PTPN11: variants seen among roughly 807,000 people sequenced by gnomAD.
PTPN11 encodes protein tyrosine phosphatase non-receptor type 11.
In PTPN11, 6 loss-of-function variants were observed where a neutral mutation model predicts 78.8. The observed-to-expected ratio is 0.08, with a 90% CI of 0.04 to 0.15. The LOEUF is 0.15. PTPN11 is among the 10% of genes least tolerant of loss of function. The probability of loss-of-function intolerance (pLI) is 1.00; values close to 1 mark genes in which losing one functional copy is unlikely to be tolerated. For synonymous variants in PTPN11, 221 were observed against 263.5 expected (o/e 0.84, Z 1.56); for missense variants, 386 against 744.8 (o/e 0.52, Z 5.61).
chr12:112,491,960 GCC>G (rs1208626095), intron 13 of PTPN11, among the ~76,000 whole-genome samples: 1 of 152,218 alleles, frequency 6.6e-6, no homozygotes, highest in Non-Finnish European at 1.5e-5. Flanking sequence ...TCCCGCCTTG[GCC>G]TCCCAAAGTG....
At position 112,508,623 on chromosome 12, in the gene PTPN11, A is replaced by G. The variant is rs1398502412; in HGVS notation, c.*2831A>G. 1 of 152,156 alleles carries G rather than the reference A, an allele frequency of 6.6e-6. No homozygotes were observed. The highest frequency in any genetic ancestry group is 1.9e-4 in the East Asian group (1 of 5,202). 9.4% of individuals were successfully genotyped at this position (152,156 alleles called of 1,614,324 possible). A position where few individuals can be genotyped will look rare whatever the true frequency, so the allele number is the denominator to read the frequency against. On this transcript the variant is annotated 3_prime_UTR_variant, in exon 16 of 16. Coordinates refer to ENST00000351677, the MANE Select transcript of PTPN11 (RefSeq NM_002834.5). ...CACTGAGGATTTTAAAATTATAAGC[A>G]TAGGATTTTATATTTTGGGGTGAAA...
intron 6 of PTPN11, 90 bp from the exon 7 acceptor site, chr12:112,472,854 A>G: frequency 9.7e-7 from 1 of 1,028,736 alleles, no homozygotes; most frequent in Non-Finnish European, 1.5e-6. Flanking sequence ...TCCTAGGATG[A>G]ATTCCTTAAA....
intron 1 of PTPN11, among the ~76,000 whole-genome samples, chr12:112,436,893 A>T (rs1374820689): frequency 1.3e-5 from 2 of 152,142 alleles, no homozygotes; most frequent in Non-Finnish European, 2.9e-5. Context: ...CCATTTAATG[A>T]ATAATTAAAT....
At chr12:112,441,876 A>G (rs969655752) in intron 1 of PTPN11, among the ~76,000 whole-genome samples, 6 of 151,366 alleles carry the variant, frequency 4.0e-5, no homozygotes, top group Non-Finnish European at 7.4e-5. Flanking sequence ...TACTGGGTTC[A>G]CGCCATTCTC....
chr12:112,434,492 C>G (rs1432229395), intron 1 of PTPN11, among the ~76,000 whole-genome samples: 1 of 151,870 alleles, frequency 6.6e-6, no homozygotes, highest in Admixed American at 6.6e-5. Context: ...CCTGTAGTCT[C>G]TGCTACTCGG....
intron 12 of PTPN11, 47 bp downstream of exon 12, chr12:112,488,557 A>G (rs2135915367): frequency 6.5e-7 from 1 of 1,539,862 alleles, no homozygotes; most frequent in Non-Finnish European, 9.0e-7. Flanking sequence ...TTTTTAGTTT[A>G]TGGAAGGAAA....
intron 7 of PTPN11, 97 bp from the exon 8 acceptor site, chr12:112,477,554 G>A: frequency 2.1e-6 from 2 of 951,184 alleles, no homozygotes; most frequent in East Asian, 2.4e-5. Flanking sequence ...ATCATTGAAT[G>A]AACAAAACTT....
chr12:112,424,764 G>A (rs2037579311), intron 1 of PTPN11, among the ~76,000 whole-genome samples: 1 of 151,766 alleles, frequency 6.6e-6, no homozygotes, highest in South Asian at 2.1e-4. Context: ...CCAGGCTCAC[G>A]ACCTCAGCTC....
intron 1 of PTPN11, among the ~76,000 whole-genome samples, chr12:112,429,486 T>C (rs965764931): frequency 2.7e-5 from 4 of 146,620 alleles, no homozygotes; most frequent in African/African-American, 5.0e-5. Flanking sequence ...AACTACTTTT[T>C]TTTTTTTTTT....
chr12:112,421,145 AC>A (rs2037517172), intron 1 of PTPN11, among the ~76,000 whole-genome samples: 1 of 152,210 alleles, frequency 6.6e-6, no homozygotes, highest in South Asian at 2.1e-4. Context: ...GGTATTATGC[AC>A]CACCCAAAAA....
intron 1 of PTPN11, among the ~76,000 whole-genome samples, chr12:112,422,564 G>A (rs938533288): frequency 4.6e-5 from 7 of 152,208 alleles, no homozygotes; most frequent in Admixed American, 3.3e-4. Context: ...GAGACTGGAG[G>A]CTTTTGGTTT....
At chr12:112,478,562 T>G (rs2038546481) in intron 9 of PTPN11, among the ~76,000 whole-genome samples, 1 of 152,242 alleles carries the variant, frequency 6.6e-6, no homozygotes. Context: ...TCTTTTGCTA[T>G]GTCTCCAAGT....
intron 1 of PTPN11, among the ~76,000 whole-genome samples, chr12:112,445,889 C>T (rs1414385069): frequency 6.6e-6 from 1 of 152,124 alleles, no homozygotes; most frequent in South Asian, 2.1e-4. Context: ...ATCTGCCTGC[C>T]TCGGCCTCCC....
intron 6 of PTPN11, among the ~76,000 whole-genome samples, chr12:112,456,980 C>A (rs1387344867): frequency 1.3e-5 from 2 of 151,886 alleles, no homozygotes; most frequent in Non-Finnish European, 2.9e-5. Flanking sequence ...ATGTGCAGAA[C>A]GTGCAGGTTT....
chr12:112,461,479 C>T (rs1210652777), intron 6 of PTPN11, among the ~76,000 whole-genome samples: 1 of 151,550 alleles, frequency 6.6e-6, no homozygotes, highest in African/African-American at 2.4e-5. Context: ...GTGCATGCCA[C>T]CATGCCTGGC....
In PTPN11 at chr12:112,507,159, A is replaced by G. The variant is rs1461958966; in HGVS notation, c.*1367A>G. ...AGTGCCATGGAAAACCAAGGATATTAGCAAAAGCAGAAGTTGCTAGTGACC... is the reference window on the plus strand; with the variant it reads ...AGTGCCATGGAAAACCAAGGATATTGGCAAAAGCAGAAGTTGCTAGTGACC... On this transcript the variant is annotated 3_prime_UTR_variant, in exon 16 of 16. Coordinates refer to ENST00000351677, the MANE Select transcript of PTPN11 (RefSeq NM_002834.5). The G allele has an allele frequency of 6.5e-6, 1 of 152,900 alleles. No individual in the cohort carries two copies. The highest frequency in any genetic ancestry group is 1.5e-5 in the Non-Finnish European group (1 of 68,412). The allele number at this position is 152,900 out of a possible 1,614,324, so 9.5% of individuals were successfully genotyped here. A position where few individuals can be genotyped will look rare whatever the true frequency, so the allele number is the denominator to read the frequency against.
At position 112,482,294 on chromosome 12, in the gene PTPN11, A is replaced by G. The variant is rs187158961; in HGVS notation, c.1224+89A>G. The G allele has an allele frequency of 5.5e-6, 8 of 1,448,770 alleles. No homozygotes were observed. Among genetic ancestry groups the G allele is most frequent in the Non-Finnish European group, 3.9e-6 (4 of 1,034,842 alleles). The allele number at this position is 1,448,770 out of a possible 1,614,324, so 89.7% of individuals were successfully genotyped here. A position where few individuals can be genotyped will look rare whatever the true frequency, so the allele number is the denominator to read the frequency against. On this transcript the variant is annotated intron_variant, in intron 10 of 15. Transcript: ENST00000351677. This position sits in a 1 kb window ranked among gnomAD's most constrained non-coding sequence, Gnocchi z 4.4. ...CTTGCCGTTACTCATGTTTGCATAC[A>G]TGCATGCATTCGCTCACTCATTGAT...
intron 13 of PTPN11, among the ~76,000 whole-genome samples, chr12:112,489,746 G>T (rs2038723055): frequency 6.6e-6 from 1 of 152,196 alleles, no homozygotes; most frequent in Admixed American, 6.5e-5. Flanking sequence ...AATGAGGAGA[G>T]CTGCTCTTTT....
At chr12:112,486,736 T>G (rs1014977224) in intron 11 of PTPN11, 107 bp downstream of exon 11, 1 of 1,540,296 alleles carries the variant, frequency 6.5e-7, no homozygotes, top group African/African-American at 1.4e-5. Context: ...AGGAAGAATT[T>G]AATATCTGTT....
Sources: gnomAD v4.1 joint callset for allele counts (sites outside exome capture counted in the v4.1 genomes callset) on GRCh38, gnomAD v4.1.1 for gene constraint, Gnocchi (gnomAD v3.1) non-coding constraint, MANE v1.5 for transcripts, NCBI Gene and HGNC (gene_info 2026-07-23, HGNC 2026-07-21) for gene names.